LRP1B: variants seen among roughly 807,000 people sequenced by gnomAD.
LRP1B encodes the protein low-density lipoprotein receptor-related protein 1B.
LRP1B carries 217 observed loss-of-function variants against 556.6 expected under a neutral mutation model. That is an observed-to-expected ratio of 0.39 (90% CI 0.35 to 0.44). LRP1B has a LOEUF of 0.44. Ranked by LOEUF, LRP1B falls within the 20% of genes least tolerant of loss-of-function variation. The probability of loss-of-function intolerance (pLI) is 1.00; values close to 1 mark genes in which losing one functional copy is unlikely to be tolerated. For synonymous variants in LRP1B, 2,047 were observed against 1,865.8 expected (o/e 1.10, Z -2.50); for missense variants, 5,053 against 5,620.8 (o/e 0.90, Z 3.23).
intron 1 of LRP1B, among the ~76,000 whole-genome samples, chr2:142,123,652 G>T (rs570005702): frequency 2.0e-5 from 3 of 148,264 alleles, no homozygotes; most frequent in East Asian, 3.9e-4. Flanking sequence ...TCTTCTTCAA[G>T]AAGTTTTTTT....
At chr2:141,628,437 G>T (rs1688780438) in intron 2 of LRP1B, among the ~76,000 whole-genome samples, 2 of 151,816 alleles carry the variant, frequency 1.3e-5, no homozygotes, top group African/African-American at 2.4e-5. Flanking sequence ...GGTAAACAAT[G>T]AATAGGATGT....
chr2:141,379,560 T>A (rs1461179589), intron 3 of LRP1B, among the ~76,000 whole-genome samples: 1 of 152,176 alleles, frequency 6.6e-6, no homozygotes, highest in Non-Finnish European at 1.5e-5. Context: ...CAGGAAAAGC[T>A]GATCATAAAC....
chr2:141,766,142 GA>G (rs1439208668), intron 2 of LRP1B, among the ~76,000 whole-genome samples: 2 of 152,158 alleles, frequency 1.3e-5, no homozygotes, highest in Admixed American at 1.3e-4. Flanking sequence ...GAATAGAAAG[GA>G]TTGTCAAGAA....
intron 84 of LRP1B, among the ~76,000 whole-genome samples, chr2:140,282,545 C>T (rs1474970009): frequency 1.3e-5 from 2 of 151,744 alleles, no homozygotes; most frequent in Admixed American, 6.6e-5. Context: ...GTTCTCTTTC[C>T]TTTCTGTGTA....
intron 7 of LRP1B, among the ~76,000 whole-genome samples, chr2:141,130,391 A>G (rs1574105276): frequency 2.0e-5 from 3 of 152,180 alleles, no homozygotes; most frequent in Admixed American, 2.0e-4. Context: ...CTATTTATTT[A>G]GTAAATCCAT....
intron 22 of LRP1B, among the ~76,000 whole-genome samples, chr2:140,905,360 A>G (rs1350812002): frequency 6.6e-6 from 1 of 152,178 alleles, no homozygotes; most frequent in African/African-American, 2.4e-5. Flanking sequence ...GAGAACGCTC[A>G]TGATGATAGG....
intron 6 of LRP1B, among the ~76,000 whole-genome samples, chr2:141,210,348 A>G (rs1028682815): frequency 1.6e-5 from 2 of 124,620 alleles, no homozygotes; most frequent in East Asian, 4.8e-4. Flanking sequence ...GAAAAAATAC[A>G]TCAAAGAAGC....
At chr2:141,411,071 A>T (rs1045803041) in intron 3 of LRP1B, among the ~76,000 whole-genome samples, 13 of 152,140 alleles carry the variant, frequency 8.5e-5, no homozygotes, top group Non-Finnish European at 1.6e-4. Flanking sequence ...GTCCATTCCT[A>T]AGAAGATGGA....
chr2:141,255,544 T>C (rs1684428597), intron 3 of LRP1B, among the ~76,000 whole-genome samples: 1 of 152,066 alleles, frequency 6.6e-6, no homozygotes, highest in African/African-American at 2.4e-5. Flanking sequence ...GAACATTGGG[T>C]ATTGTATTAT....
At chr2:140,321,575 CAA>C (rs1251296864) in intron 82 of LRP1B, among the ~76,000 whole-genome samples, 2 of 151,836 alleles carry the variant, frequency 1.3e-5, no homozygotes, top group Non-Finnish European at 2.9e-5. Flanking sequence ...GTTTGGCACA[CAA>C]GAGGTAATCA....
chr2:141,212,249 A>ATTTTTTTTTTTTTTTTTTTT (rs59699046), intron 6 of LRP1B, among the ~76,000 whole-genome samples: 2 of 62,270 alleles, frequency 3.2e-5, no homozygotes, highest in African/African-American at 1.3e-4. Flanking sequence ...AAAAGTCTAG[A>ATTTTTTTTTTTTTTTTTTTT]TTTTTTTTTT....
At chr2:140,693,416 C>CA (rs926617335) in intron 41 of LRP1B, among the ~76,000 whole-genome samples, 1 of 151,996 alleles carries the variant, frequency 6.6e-6, no homozygotes, top group African/African-American at 2.4e-5. Context: ...ACCCTGGACT[C>CA]AAGAGATCCT....
intron 3 of LRP1B, among the ~76,000 whole-genome samples, chr2:141,310,256 G>A (rs1395297501): frequency 6.6e-6 from 1 of 152,080 alleles, no homozygotes; most frequent in Non-Finnish European, 1.5e-5. Flanking sequence ...GAGAAATTAA[G>A]TTCTATTATA....
chr2:140,277,846 G>A (rs933348985), intron 84 of LRP1B, among the ~76,000 whole-genome samples: 6 of 151,698 alleles, frequency 4.0e-5, no homozygotes, highest in Non-Finnish European at 7.4e-5. Context: ...TTCAGCATAC[G>A]CACACCTTAT....
intron 14 of LRP1B, among the ~76,000 whole-genome samples, chr2:141,007,885 C>A (rs1481171601): frequency 6.6e-6 from 1 of 151,482 alleles, no homozygotes; most frequent in Non-Finnish European, 1.5e-5. Flanking sequence ...TATTTCTTTT[C>A]TGTGAATACT....
chr2:141,770,554 C>T (rs560435512), intron 2 of LRP1B, among the ~76,000 whole-genome samples: 8 of 152,318 alleles, frequency 5.3e-5, no homozygotes, highest in Non-Finnish European at 8.8e-5. Flanking sequence ...TATAGAGAAG[C>T]GTTCTCTTTT....
intron 66 of LRP1B, among the ~76,000 whole-genome samples, chr2:140,431,930 G>A (rs1345852626): frequency 1.3e-5 from 2 of 151,700 alleles, no homozygotes; most frequent in African/African-American, 2.4e-5. Context: ...AAAAATTTTC[G>A]CTGTCCCATC....
At chr2:140,463,504 A>G (rs1181150678) in intron 60 of LRP1B, among the ~76,000 whole-genome samples, 1 of 152,150 alleles carries the variant, frequency 6.6e-6, no homozygotes, top group Non-Finnish European at 1.5e-5. Flanking sequence ...CTTTAATGCA[A>G]TCCTACTTGA....
At chr2:140,708,977 G>A (rs1186555416) in intron 37 of LRP1B, among the ~76,000 whole-genome samples, 4 of 151,944 alleles carry the variant, frequency 2.6e-5, no homozygotes, top group African/African-American at 4.8e-5. Context: ...TCTAAGAGAT[G>A]GTATTAAACT....
Sources: allele counts gnomAD v4.1 joint callset (sites outside exome capture counted in the v4.1 genomes callset), GRCh38; gene constraint gnomAD v4.1.1; transcripts MANE v1.5; gene names NCBI Gene and HGNC (gene_info 2026-07-23, HGNC 2026-07-21).